Variants in ZNF688 observed in about 807,000 individuals in gnomAD.
The protein encoded by ZNF688 is zinc finger protein 688.
A neutral mutation model predicts 13.2 loss-of-function variants in ZNF688; 10 were observed. The observed-to-expected ratio is 0.76, with a 90% CI of 0.47 to 1.28. The LOEUF is 1.28. Among genes scored for constraint, ZNF688 ranks in the 50% most tolerant of loss-of-function variants. The pLI, the probability that ZNF688 is intolerant of heterozygous loss-of-function variation, is 0.00. For synonymous variants in ZNF688, 160 were observed against 159.4 expected (o/e 1.00, Z -0.03); for missense variants, 381 against 391.4 (o/e 0.97, Z 0.22).
upstream of ZNF688, chr16:30,572,026 G>T: frequency 7.1e-7 from 1 of 1,409,018 alleles, no homozygotes; most frequent in South Asian, 1.7e-5. Flanking sequence ...AAGCCGCTTC[G>T]GCTGCTTTTT....
At chr16:30,571,814 A>C, upstream of ZNF688, 1 of 1,313,344 alleles carries the variant, frequency 7.6e-7, no homozygotes, top group Non-Finnish European at 9.6e-7. Flanking sequence ...ATAGGGACAA[A>C]TATAATTCCT....
chr16:30,572,352 G>A (rs2051701180), upstream of ZNF688: 1 of 1,381,090 alleles, frequency 7.2e-7, no homozygotes, highest in South Asian at 1.7e-5. Flanking sequence ...TTGGTCCCCA[G>A]ACCCCTTGGG....
rs1248436740 is a variant in ZNF688, at chr16:30,570,313, C to A, written c.434G>T (p.Ser145Ile). 6.2e-7 allele frequency: 1 copy of A among 1,614,136 alleles called. No individual in the cohort carries two copies. Among genetic ancestry groups the A allele is most frequent in the South Asian group, 1.1e-5 (1 of 91,086 alleles). Residue 145 changes from serine (S) to isoleucine (I), a missense_variant, in exon 3 of 3, where the codon AGC (serine) becomes ATC (isoleucine). Ser to Ile is a moderately radical substitution (Grantham distance 142, BLOSUM62 -2). Coordinates refer to ENST00000223459, the MANE Select transcript of ZNF688 (RefSeq NM_145271.4). Reference protein sequence around the residue: ...LVERNPDPAISVAPARAQPPK... With the variant: ...LVERNPDPAIIVAPARAQPPK... ...TGGCTGTGCCCGTGCCGGGGCCACG[C>A]TAATAGCTGGGTCAGGGTTGCGTTC...
upstream of ZNF688, among the ~76,000 whole-genome samples, chr16:30,573,237 A>G (rs1433565603): frequency 3.3e-5 from 5 of 152,126 alleles, no homozygotes; most frequent in Admixed American, 2.0e-4. Context: ...CGTTGTTCCA[A>G]ATTATCAAAG....
At chr16:30,577,910 T>C in the ZNF688 span, among the ~76,000 whole-genome samples, 1 of 152,040 alleles carries the variant, frequency 6.6e-6, no homozygotes, top group Admixed American at 6.6e-5. Context: ...CTTCAAGTGA[T>C]CCACCGTCCT....
Position 30,571,475 on chromosome 16 carries a change from C to A in ZNF688, c.155G>T (p.Arg52Leu), listed in dbSNP as rs772107716. 2.5e-6 allele frequency: 4 copies of A among 1,589,020 alleles called. No homozygotes were observed. The highest frequency in any genetic ancestry group is 3.4e-6 in the Non-Finnish European group (4 of 1,168,858). Residue 52 changes from arginine (R) to leucine (L), a missense_variant, in exon 1 of 3, where the codon CGG (arginine) becomes CTG (leucine). Transcript: ENST00000223459. ...CLRPAQRALY[R>L]DVMQETYGHL... The stretch of plus-strand genomic sequence containing the variant: ...GCCGTAGGTCTCCTGCATCACGTCC[C>A]GGTACAGAGCCCTCTGCGCGGGCCG...
rs1275864201 is a variant in ZNF688 at position 30,571,582 on chromosome 16, G to T, written c.48C>A (p.Thr16=). 9.6e-6 allele frequency: 15 copies of T among 1,554,784 alleles called. No homozygotes were observed. The highest frequency in any genetic ancestry group is 1.2e-5 in the Non-Finnish European group (14 of 1,151,252). The change falls in exon 1 of 3, where the codon ACC becomes ACA. Residue 16 remains threonine, a synonymous_variant. Coordinates refer to ENST00000223459, the MANE Select transcript of ZNF688 (RefSeq NM_145271.4). ...APLLAPRPGE[T]RPGCRKPGTV... The stretch of plus-strand genomic sequence containing the variant: ...TCCCGGGCTTCCTGCAACCAGGCCG[G>T]GTCTCCCCGGGCCTCGGCGCCAGGA...
chr16:30,572,789 CT>C (rs2051707116), upstream of ZNF688: 2 of 152,712 alleles, frequency 1.3e-5, no homozygotes, highest in South Asian at 4.0e-4. Context: ...CCAGGCTGGT[CT>C]GGAACTCCTG....
At chr16:30,573,187 G>T (rs911157184), upstream of ZNF688, among the ~76,000 whole-genome samples, 3 of 152,212 alleles carry the variant, frequency 2.0e-5, no homozygotes, top group African/African-American at 7.2e-5. Flanking sequence ...GATTACAGGC[G>T]TGAGCCACGG....
At chr16:30,571,386 C>T (rs746729571) in intron 1 of ZNF688, 48 bp downstream of exon 1, 10 of 1,542,868 alleles carry the variant, frequency 6.5e-6, no homozygotes, top group South Asian at 4.8e-5. Context: ...CATCATCTCC[C>T]CTGTGAACCC....
At position 30,571,578 on chromosome 16, in the gene ZNF688, G is replaced by C; in HGVS notation, c.52C>G (p.Pro18Ala). The C allele has an allele frequency of 1.9e-6, 3 of 1,560,590 alleles. No individual in the cohort carries two copies. Among genetic ancestry groups the C allele is most frequent in the Non-Finnish European group, 1.7e-6 (2 of 1,154,166 alleles). ...ACAGTCCCGGGCTTCCTGCAACCAG[G>C]CCGGGTCTCCCCGGGCCTCGGCGCC... ...LLAPRPGETR[P>A]GCRKPGTVSF... The change falls in exon 1 of 3, where the codon CCT (proline) becomes GCT (alanine). Residue 18 changes from proline to alanine, a missense_variant. By Grantham distance (27) the Pro-to-Ala change is conservative (BLOSUM62 -1). Transcript: ENST00000223459.
rs754234250 is a variant in ZNF688 at position 30,570,398 on chromosome 16, C to A, written c.349G>T (p.Val117Phe). 1.9e-6 allele frequency: 3 copies of A among 1,613,474 alleles called. No individual in the cohort carries two copies. The highest frequency in any genetic ancestry group is 2.5e-6 in the Non-Finnish European group (3 of 1,179,958). Reference protein sequence around the residue: ...PNRKEEEPEEVPRAKGPRKAP... With the variant: ...PNRKEEEPEEFPRAKGPRKAP... ...TTTCTAGGCCCTTTGGCTCTTGGGA[C>A]TTCCTCCGGTTCCTCTTCCTTCCTG... Residue 117 changes from valine to phenylalanine, a missense_variant, in exon 3 of 3, where the codon GTC becomes TTC. Physicochemically the swap from Val to Phe is conservative, Grantham distance 50 (BLOSUM62 -1). Coordinates refer to ENST00000223459, the MANE Select transcript of ZNF688 (RefSeq NM_145271.4).
At chr16:30,576,774 TATC>T (rs1210557516), upstream of ZNF688, among the ~76,000 whole-genome samples, 1 of 152,124 alleles carries the variant, frequency 6.6e-6, no homozygotes, top group Non-Finnish European at 1.5e-5. Context: ...TATTATTAAT[TATC>T]ATTATTATTG....
Position 30,571,537 on chromosome 16 carries a change from C to T in ZNF688, c.93G>A (p.Val31=), listed in dbSNP as rs1349127305. 5 of 1,586,298 alleles carry T rather than the reference C, an allele frequency of 3.2e-6. No individual in the cohort carries two copies. Among genetic ancestry groups the T allele is most frequent in the Non-Finnish European group, 3.4e-6 (4 of 1,167,318 alleles). The change falls in exon 1 of 3, where the codon GTG becomes GTA. Residue 31 remains valine (V), a synonymous_variant. Transcript: ENST00000223459. ...ACTCCTCCGGGGAGAAGTACACGGC[C>T]ACGTCCGCGAAGCTCACAGTCCCGG... The part of the protein sequence containing the change: ...RKPGTVSFAD[V]AVYFSPEEWG...
At chr16:30,579,404 T>C in the ZNF688 span, 1 of 167,598 alleles carries the variant, frequency 6.0e-6, no homozygotes, top group East Asian at 1.6e-4. Context: ...TGTTTTTGTT[T>C]TGAGACAGAG....
upstream of ZNF688, among the ~76,000 whole-genome samples, chr16:30,575,125 T>G (rs2051733786): frequency 6.6e-6 from 1 of 152,222 alleles, no homozygotes; most frequent in East Asian, 1.9e-4. Context: ...TGATTCCATA[T>G]CTTTGCTATT....
chr16:30,574,728 C>A (rs2151233263), upstream of ZNF688, among the ~76,000 whole-genome samples: 1 of 152,076 alleles, frequency 6.6e-6, no homozygotes, highest in South Asian at 2.1e-4. Flanking sequence ...AATTTCAAGT[C>A]CTCTCTTCTA....
rs1303667715 is a variant in ZNF688 at position 30,571,534 on chromosome 16, G to T, written c.96C>A (p.Ala32=). Residue 32 remains alanine, a synonymous_variant, in exon 1 of 3, where the codon GCC becomes GCA. Coordinates refer to ENST00000223459, the MANE Select transcript of ZNF688 (RefSeq NM_145271.4). ...KPGTVSFADV[A]VYFSPEEWGC... is the part of the protein sequence containing the mutation. Reference sequence around the variant, plus strand: ...CCCACTCCTCCGGGGAGAAGTACACGGCCACGTCCGCGAAGCTCACAGTCC... The same window carrying T: ...CCCACTCCTCCGGGGAGAAGTACACTGCCACGTCCGCGAAGCTCACAGTCC... 12 of 1,586,838 alleles carry T rather than the reference G, an allele frequency of 7.6e-6. No homozygotes were observed. In the Admixed American group the frequency reaches 2.1e-4, roughly 28 times the overall value.
At chr16:30,579,351 T>C in the ZNF688 span, 2 of 160,054 alleles carry the variant, frequency 1.2e-5, no homozygotes, top group Non-Finnish European at 2.8e-5. Flanking sequence ...GGAGAGGCTA[T>C]GTGGTGAAGT....
Sources: gnomAD v4.1 joint callset for allele counts (sites outside exome capture counted in the v4.1 genomes callset) on GRCh38, gnomAD v4.1.1 for gene constraint, MANE v1.5 for transcripts, NCBI Gene and HGNC (gene_info 2026-07-23, HGNC 2026-07-21) for gene names.